NATD1: variants seen among roughly 807,000 people sequenced by gnomAD.
The protein encoded by NATD1 is protein NATD1.
NATD1 carries 9 observed loss-of-function variants against 12.0 expected under a neutral mutation model. The ratio of observed to expected loss-of-function variants is 0.75; its 90% CI spans 0.45 to 1.30. The LOEUF (loss-of-function observed/expected upper bound fraction) is 1.30. Among genes scored for constraint, NATD1 ranks in the 50% most tolerant of loss-of-function variants. NATD1 has a pLI of 0.00. For synonymous variants in NATD1, 71 were observed against 65.9 expected, an observed-to-expected ratio of 1.08 and a Z score of -0.37; for missense variants, 148 against 148.5, an observed-to-expected ratio of 1.00 and a Z score of 0.02.
At position 21,244,230 on chromosome 17, in the gene NATD1, G is replaced by T; in HGVS notation, c.107-6C>A. 3.1e-6 allele frequency: 5 copies of T among 1,609,410 alleles called. No individual in the cohort carries two copies. Among genetic ancestry groups the T allele is most frequent in the Non-Finnish European group, 3.4e-6 (4 of 1,177,720 alleles). ...GACGGCCCGGTCATGACATCCTGGG[G>T]GTTGTGGAGACAGGTAAGCCTATGC... On this transcript the variant is annotated splice_polypyrimidine_tract_variant and splice_region_variant and intron_variant, in intron 1 of 2. Coordinates refer to ENST00000611551, the MANE Select transcript of NATD1 (RefSeq NM_152914.3). This position sits in a 1 kb window ranked among gnomAD's most constrained non-coding sequence, Gnocchi z 5.2.
Position 21,247,742 on chromosome 17 carries a change from C to T in NATD1, c.107-3518G>A, listed in dbSNP as rs543657229. On this transcript the variant is annotated intron_variant, in intron 1 of 2. Transcript: ENST00000611551. ...GAGGTCTGGAGCTCTCAAGGCAGCT[C>T]TTAGAGCCTAGCCCAGATAAGGGCC... Among the ~76,000 whole-genome samples the T allele has an allele frequency of 1.1e-3, 166 of 152,346 alleles. No individual in the cohort carries two copies. In the Middle Eastern group the frequency reaches 0.017, roughly 16 times the overall value.
Position 21,243,089 on chromosome 17 carries a change from G to C in NATD1, c.*224C>G. The C allele has an allele frequency of 2.0e-6, 1 of 505,258 alleles. No individual in the cohort carries two copies. The highest frequency in any genetic ancestry group is 3.6e-6 in the Non-Finnish European group (1 of 278,088). The allele number at this position is 505,258 out of a possible 1,614,324, so 31.3% of individuals were successfully genotyped here. A position where few individuals can be genotyped will look rare whatever the true frequency, so the allele number is the denominator to read the frequency against. ...GAAGCCGCTGGTCTCTGCAGAGTGAGAGGTGCCGGGACTACCTGGCCTCCT... is the reference window on the plus strand; with the variant it reads ...GAAGCCGCTGGTCTCTGCAGAGTGACAGGTGCCGGGACTACCTGGCCTCCT... On this transcript the variant is annotated 3_prime_UTR_variant, in exon 3 of 3. Transcript: ENST00000611551.
chr17:21,252,167 T>C (rs991344065), intron 1 of NATD1, among the ~76,000 whole-genome samples: 7 of 152,142 alleles, frequency 4.6e-5, no homozygotes, highest in African/African-American at 1.7e-4. Flanking sequence ...TAGCTGGGCA[T>C]GGTGGTGGGT....
intron 1 of NATD1, among the ~76,000 whole-genome samples, chr17:21,246,910 G>A (rs1975330377): frequency 6.6e-6 from 1 of 152,176 alleles, no homozygotes; most frequent in Non-Finnish European, 1.5e-5. Flanking sequence ...AGGCCAGAGT[G>A]GCTGGGCCCA....
Position 21,243,150 on chromosome 17 carries a change from G to T in NATD1, c.*163C>A. 1.7e-6 allele frequency: 1 copy of T among 594,402 alleles called. No homozygotes were observed. The highest frequency in any genetic ancestry group is 3.0e-6 in the Non-Finnish European group (1 of 338,308). The allele number at this position is 594,402 out of a possible 1,614,324, so 36.8% of individuals were successfully genotyped here. ...GTTACCGGGTCACCGCCCATCATTGGTCAGCTGCCTCCAGGGATCTGGACG... is the reference window on the plus strand; with the variant it reads ...GTTACCGGGTCACCGCCCATCATTGTTCAGCTGCCTCCAGGGATCTGGACG... On this transcript the variant is annotated 3_prime_UTR_variant, in exon 3 of 3. Coordinates refer to ENST00000611551, the MANE Select transcript of NATD1 (RefSeq NM_152914.3).
intron 1 of NATD1, among the ~76,000 whole-genome samples, chr17:21,250,568 G>C (rs1975366132): frequency 6.6e-6 from 1 of 152,172 alleles, no homozygotes; most frequent in Admixed American, 6.5e-5. Flanking sequence ...CTTGCGGGGT[G>C]AATCACAGCT....
chr17:21,251,366 C>A (rs1227951251), intron 1 of NATD1, among the ~76,000 whole-genome samples: 1 of 151,778 alleles, frequency 6.6e-6, no homozygotes. Context: ...CCCGAGCCCA[C>A]AAGGGAACCA....
At chr17:21,247,835 G>A (rs1335720508) in intron 1 of NATD1, among the ~76,000 whole-genome samples, 1 of 152,250 alleles carries the variant, frequency 6.6e-6, no homozygotes, top group Non-Finnish European at 1.5e-5. Context: ...GATCCACAGT[G>A]CCCAGAAGTG....
chr17:21,246,211 TATC>T lies in NATD1; in HGVS notation c.107-1990_107-1988del, dbSNP rs760875749. Among the ~76,000 whole-genome samples, 4 of 152,054 alleles carry T rather than the reference TATC, an allele frequency of 2.6e-5. No individual in the cohort carries two copies. In the East Asian group the frequency reaches 5.8e-4, roughly 22 times the overall value. On this transcript the variant is annotated intron_variant, in intron 1 of 2. Transcript: ENST00000611551. Reference sequence around the variant, plus strand: ...ACTGATGAAGACACACAATAAGTAATATCATTATAAATAATACAGGGGCCAGGC... The same window carrying T: ...ACTGATGAAGACACACAATAAGTAATATTATAAATAATACAGGGGCCAGGC...
chr17:21,244,758 A>T lies in NATD1; in HGVS notation c.107-534T>A, dbSNP rs1198811426. On this transcript the variant is annotated intron_variant, in intron 1 of 2. Coordinates refer to ENST00000611551, the MANE Select transcript of NATD1 (RefSeq NM_152914.3). The surrounding 1 kb of genome is among the most constrained non-coding windows in gnomAD (Gnocchi z 5.2). ...CTGTGGTAGAGTTCATGAGAAACTG[A>T]CGCTGGGCACAGGAGGCAGGAACAA... Among the ~76,000 whole-genome samples, 8 of 152,200 alleles carry T rather than the reference A, an allele frequency of 5.3e-5. No homozygotes were observed. Among genetic ancestry groups the T allele is most frequent in the Non-Finnish European group, 1.5e-5 (1 of 68,036 alleles).
At position 21,243,389 on chromosome 17, in the gene NATD1, T is replaced by C. The variant is rs1975296474; in HGVS notation, c.266A>G (p.His89Arg). The change falls in exon 3 of 3, where the codon CAT (histidine) becomes CGT (arginine). Residue 89 changes from histidine to arginine, a missense_variant. His to Arg is a conservative substitution (Grantham distance 29, BLOSUM62 0). Transcript: ENST00000611551. ...DFVVEEDLKA[H>R]LTCWYIQKYV... is the part of the protein sequence containing the mutation. ...CTTCTGGATGTACCAGCAGGTGAGA[T>C]GGGCCTTCAGGTCCTCCTCCACCAC... The C allele has an allele frequency of 6.2e-7, 1 of 1,613,402 alleles. No homozygotes were observed. Among genetic ancestry groups the C allele is most frequent in the African/African-American group, 1.3e-5 (1 of 74,920 alleles).
chr17:21,251,028 A>AC (rs1975370262), intron 1 of NATD1, among the ~76,000 whole-genome samples: 1 of 152,132 alleles, frequency 6.6e-6, no homozygotes, highest in Admixed American at 6.5e-5. Context: ...CCCAAGACAC[A>AC]CACCCAAACC....
At chr17:21,250,588 C>T (rs1975366269) in intron 1 of NATD1, among the ~76,000 whole-genome samples, 1 of 152,222 alleles carries the variant, frequency 6.6e-6, no homozygotes, top group Non-Finnish European at 1.5e-5. Flanking sequence ...TCTTCCACCT[C>T]TGTGGTGCAA....
Position 21,253,277 on chromosome 17 carries a change from C to A in NATD1, c.-13G>T. On this transcript the variant is annotated 5_prime_UTR_variant, in exon 1 of 3. Coordinates refer to ENST00000611551, the MANE Select transcript of NATD1 (RefSeq NM_152914.3). ...CCGAGTGCGCCATCTGCGCGCGGGG[C>A]TGCGGCGCGGCGCCGGCGGGGGCCG... The A allele has an allele frequency of 1.0e-6, 1 of 982,948 alleles. No homozygotes were observed. The highest frequency in any genetic ancestry group is 1.2e-6 in the Non-Finnish European group (1 of 827,860). 60.9% of individuals were successfully genotyped at this position (982,948 alleles called of 1,614,324 possible).
Position 21,243,188 on chromosome 17 carries a change from G to T in NATD1, c.*125C>A. The T allele has an allele frequency of 1.4e-6, 1 of 701,546 alleles. No homozygotes were observed. Among genetic ancestry groups the T allele is most frequent in the Non-Finnish European group, 2.4e-6 (1 of 420,782 alleles). 43.5% of individuals were successfully genotyped at this position (701,546 alleles called of 1,614,324 possible). ...AGGGATCTGGACGTGGGGCACAGATGAGTGTCCTTACAAAAATAACTCTGA... is the reference window on the plus strand; with the variant it reads ...AGGGATCTGGACGTGGGGCACAGATTAGTGTCCTTACAAAAATAACTCTGA... On this transcript the variant is annotated 3_prime_UTR_variant, in exon 3 of 3. Coordinates refer to ENST00000611551, the MANE Select transcript of NATD1 (RefSeq NM_152914.3).
Position 21,243,115 on chromosome 17 carries a change from TGCCGCCTC to T in NATD1, c.*190_*197del. 1 of 541,276 alleles carries T rather than the reference TGCCGCCTC, an allele frequency of 1.8e-6. No homozygotes were observed. The highest frequency in any genetic ancestry group is 3.1e-5 in the Admixed American group (1 of 32,186). 33.5% of individuals were successfully genotyped at this position (541,276 alleles called of 1,614,324 possible). ...AGGTGCCGGGACTACCTGGCCTCCT[TGCCGCCTC>T]GGTTACCGGGTCACCGCCCATCATT... On this transcript the variant is annotated 3_prime_UTR_variant, in exon 3 of 3. Coordinates refer to ENST00000611551, the MANE Select transcript of NATD1 (RefSeq NM_152914.3).
At chr17:21,243,718 G>A (rs4324188) in intron 2 of NATD1, among the ~76,000 whole-genome samples, 104,699 of 152,028 alleles carry the variant, frequency 0.69, 37,035 homozygotes, top group Middle Eastern at 0.8. Context: ...AGGGGAAGCC[G>A]GCAGACGGCC....
intron 1 of NATD1, among the ~76,000 whole-genome samples, chr17:21,248,144 G>A (rs145263530): frequency 6.6e-6 from 1 of 152,188 alleles, no homozygotes; most frequent in African/African-American, 2.4e-5. Flanking sequence ...GAGGAGCCAG[G>A]CTCCTGGGCA....
In NATD1 at chr17:21,241,160, G is replaced by A. The variant is rs1415477757; in HGVS notation, c.*2153C>T. 1 of 152,498 alleles carries A rather than the reference G, an allele frequency of 6.6e-6. No homozygotes were observed. The highest frequency in any genetic ancestry group is 1.5e-5 in the Non-Finnish European group (1 of 68,232). The allele number at this position is 152,498 out of a possible 1,614,324, so 9.4% of individuals were successfully genotyped here. Reference sequence around the variant, plus strand: ...GGAATCTTAGGTGGGAGTGGGAACAGAGTGGCACCAGGCCCATTCCCTCCT... The same window carrying A: ...GGAATCTTAGGTGGGAGTGGGAACAAAGTGGCACCAGGCCCATTCCCTCCT... On this transcript the variant is annotated 3_prime_UTR_variant, in exon 3 of 3. Coordinates refer to ENST00000611551, the MANE Select transcript of NATD1 (RefSeq NM_152914.3).
Sources: gnomAD v4.1 joint callset for allele counts (sites outside exome capture counted in the v4.1 genomes callset) on GRCh38, gnomAD v4.1.1 for gene constraint, Gnocchi (gnomAD v3.1) non-coding constraint, MANE v1.5 for transcripts, NCBI Gene and HGNC (gene_info 2026-07-23, HGNC 2026-07-21) for gene names.